SORCS1: variants seen among roughly 807,000 people sequenced by gnomAD.
SORCS1 encodes the protein sortilin related VPS10 domain containing receptor 1, also known as VPS10 domain-containing receptor SorCS1.
In SORCS1, 60 loss-of-function variants were observed where a neutral mutation model predicts 146.1. The ratio of observed to expected loss-of-function variants is 0.41; its 90% CI spans 0.33 to 0.51. The LOEUF is 0.51. Among genes scored for constraint, SORCS1 ranks in the 20% least tolerant of loss-of-function variants. The probability of loss-of-function intolerance (pLI) is 0.21; values close to 1 mark genes in which losing one functional copy is unlikely to be tolerated. For synonymous variants in SORCS1, 637 were observed against 584.0 expected, an observed-to-expected ratio of 1.09 and a Z score of -1.31; for missense variants, 1,352 against 1,487.6, an observed-to-expected ratio of 0.91 and a Z score of 1.50.
chr10:106,623,762 T>C (rs145270252), intron 19 of SORCS1, among the ~76,000 whole-genome samples: 5,285 of 152,090 alleles, frequency 0.035, 146 homozygotes, highest in South Asian at 0.068. Context: ...ACCTCTCGGG[T>C]TCAAGCAGTT....
At chr10:106,936,892 C>T (rs1953749061) in intron 2 of SORCS1, among the ~76,000 whole-genome samples, 1 of 152,216 alleles carries the variant, frequency 6.6e-6, no homozygotes, top group African/African-American at 2.4e-5. Context: ...TTCATGACCA[C>T]TCTACTTCTG....
Position 106,891,501 on chromosome 10 carries a change from A to ATTTTTTTTTTTTTTTTTTTTTTTTT in SORCS1, c.627-61829_627-61828insAAAAAAAAAAAAAAAAAAAAAAAAA, listed in dbSNP as rs562213104. On this transcript the variant is annotated intron_variant, in intron 2 of 25. Coordinates refer to ENST00000263054, the MANE Select transcript of SORCS1 (RefSeq NM_052918.5). The stretch of plus-strand genomic sequence containing the variant: ...AAAGTAATCAGAAGTTTCAATGGGA[A>ATTTTTTTTTTTTTTTTTTTTTTTTT]TTCTTTTTTTTTTTTTGAGAAAAGA... Among the ~76,000 whole-genome samples, 184 of 73,876 alleles carry ATTTTTTTTTTTTTTTTTTTTTTTTT rather than the reference A, an allele frequency of 2.5e-3. 1 individual carries two copies. Among genetic ancestry groups the ATTTTTTTTTTTTTTTTTTTTTTTTT allele is most frequent in the Middle Eastern group, 5.8e-3 (1 of 172 alleles). The allele number at this position is 73,876 out of a possible 152,430, so 48.5% of individuals were successfully genotyped here. A position where few individuals can be genotyped will look rare whatever the true frequency, so the allele number is the denominator to read the frequency against.
intron 1 of SORCS1, among the ~76,000 whole-genome samples, chr10:107,035,303 T>G (rs1270315675): frequency 2.0e-5 from 3 of 151,044 alleles, no homozygotes; most frequent in Non-Finnish European, 4.4e-5. Context: ...CAGAAAAACT[T>G]CACATGTAAC....
chr10:107,016,671 G>A (rs2139798828), intron 1 of SORCS1, among the ~76,000 whole-genome samples: 1 of 152,106 alleles, frequency 6.6e-6, no homozygotes, highest in Middle Eastern at 3.4e-3. Context: ...GCAAAAACAT[G>A]GTAAATTGAC....
Position 106,709,320 on chromosome 10 carries a change from C to T in SORCS1, c.1046G>A (p.Arg349Gln), listed in dbSNP as rs754583351. The change falls in exon 7 of 26, where the codon CGA (arginine) becomes CAA (glutamine). Residue 349 changes from arginine to glutamine, a missense_variant. Physicochemically the swap from Arg to Gln is conservative, Grantham distance 43. Transcript: ENST00000263054. ...VDGHSHYLTC[R>Q]MQNCTEANRN... ...GTTGGCCTCTGTACAGTTCTGCATT[C>T]GGCAAGTTAGATAATGTGAATCTGA... 22 of 1,612,774 alleles carry T rather than the reference C, an allele frequency of 1.4e-5. No individual in the cohort carries two copies. Among genetic ancestry groups the T allele is most frequent in the East Asian group, 2.2e-5 (1 of 44,874 alleles).
the SORCS1 span, among the ~76,000 whole-genome samples, chr10:107,178,707 C>CA: frequency 6.6e-6 from 1 of 152,060 alleles, no homozygotes; most frequent in African/African-American, 2.4e-5. Context: ...AGGCTGGTCT[C>CA]AAACTCCTGA....
chr10:107,162,471 C>A (rs1969782552), intron 1 of SORCS1, among the ~76,000 whole-genome samples: 1 of 152,128 alleles, frequency 6.6e-6, no homozygotes, highest in South Asian at 2.1e-4. Context: ...GGAATGAGGG[C>A]AAGGGTCTCC....
chr10:107,119,236 A>G (rs1966236418), intron 1 of SORCS1, among the ~76,000 whole-genome samples: 3 of 152,188 alleles, frequency 2.0e-5, no homozygotes. Flanking sequence ...GGGTTTAGAG[A>G]TGAATCATGA....
At chr10:106,653,933 GC>G (rs1850077186) in intron 17 of SORCS1, among the ~76,000 whole-genome samples, 3 of 151,996 alleles carry the variant, frequency 2.0e-5, no homozygotes, top group Non-Finnish European at 4.4e-5. Flanking sequence ...AATTCTGTAG[GC>G]CTGGGCATGA....
intron 2 of SORCS1, among the ~76,000 whole-genome samples, chr10:106,852,085 G>T (rs569580718): frequency 1.8e-4 from 28 of 152,006 alleles, no homozygotes; most frequent in South Asian, 4.2e-4. Flanking sequence ...CATTGTTGTT[G>T]ATTCTCTAAG....
rs571042671 is a variant in SORCS1, at chr10:106,860,337, T to C, written c.627-30664A>G. 2.0e-5 allele frequency among the ~76,000 whole-genome samples: 3 copies of C among 152,360 alleles called. No homozygotes were observed. The South Asian group carries it at 6.2e-4, about 32-fold the overall frequency. Reference sequence around the variant, plus strand: ...TACAACCCCAATCTCCAGGTACTTCTAGTCTGACAGGTAGAGCATCCTTCA... The same window carrying C: ...TACAACCCCAATCTCCAGGTACTTCCAGTCTGACAGGTAGAGCATCCTTCA... On this transcript the variant is annotated intron_variant, in intron 2 of 25. Transcript: ENST00000263054.
upstream of SORCS1, among the ~76,000 whole-genome samples, chr10:107,169,021 G>T (rs1036859377): frequency 2.0e-5 from 3 of 152,060 alleles, no homozygotes; most frequent in African/African-American, 7.2e-5. Flanking sequence ...TTTATTTTGT[G>T]TGTGGGAAGT....
At chr10:107,176,530 C>A in the SORCS1 span, among the ~76,000 whole-genome samples, 1 of 151,714 alleles carries the variant, frequency 6.6e-6, no homozygotes, top group Non-Finnish European at 1.5e-5. Flanking sequence ...AGAGACGGGG[C>A]CCCAGTATGT....
chr10:106,723,151 T>C (rs1855898146), intron 6 of SORCS1, among the ~76,000 whole-genome samples: 1 of 152,152 alleles, frequency 6.6e-6, no homozygotes, highest in Non-Finnish European at 1.5e-5. Flanking sequence ...TGAGACCTTA[T>C]CTCTACTAAA....
At chr10:106,760,031 A>T (rs1375843010) in intron 5 of SORCS1, among the ~76,000 whole-genome samples, 1 of 152,212 alleles carries the variant, frequency 6.6e-6, no homozygotes, top group Non-Finnish European at 1.5e-5. Context: ...CAAAATTCAT[A>T]TGTTGAAACC....
the SORCS1 span, among the ~76,000 whole-genome samples, chr10:107,176,440 A>T: frequency 6.6e-6 from 1 of 151,420 alleles, no homozygotes; most frequent in South Asian, 2.1e-4. Flanking sequence ...GACTCAAGTG[A>T]TCATCCCACC....
intron 1 of SORCS1, among the ~76,000 whole-genome samples, chr10:107,158,076 T>C (rs541915462): frequency 6.6e-6 from 1 of 152,326 alleles, no homozygotes; most frequent in South Asian, 2.1e-4. Context: ...GTGATCTCTC[T>C]CACCAATAAC....
chr10:107,148,212 T>A (rs1156909374), intron 1 of SORCS1, among the ~76,000 whole-genome samples: 1 of 152,210 alleles, frequency 6.6e-6, no homozygotes, highest in Non-Finnish European at 1.5e-5. Context: ...ACAGGACCTT[T>A]ACTGTGCCTC....
At chr10:106,931,431 AC>A in intron 2 of SORCS1, among the ~76,000 whole-genome samples, 1 of 152,238 alleles carries the variant, frequency 6.6e-6, no homozygotes, top group Non-Finnish European at 1.5e-5. Flanking sequence ...GTCAGAACTC[AC>A]TGAGAAGAGC....
Sources: gnomAD v4.1 joint callset for allele counts (sites outside exome capture counted in the v4.1 genomes callset) on GRCh38, gnomAD v4.1.1 for gene constraint, MANE v1.5 for transcripts, NCBI Gene and HGNC (gene_info 2026-07-23, HGNC 2026-07-21) for gene names.